The following ERC2 variants were observed in gnomAD, a reference collection of about 807,000 sequenced individuals.
The protein encoded by ERC2 is ELKS/RAB6-interacting/CAST family member 2.
In ERC2, 42 loss-of-function variants were observed where a neutral mutation model predicts 114.8. The ratio of observed to expected loss-of-function variants is 0.37; its 90% CI spans 0.29 to 0.47. The LOEUF (loss-of-function observed/expected upper bound fraction) is 0.47. Ranked by LOEUF, ERC2 falls within the 20% of genes least tolerant of loss-of-function variation. The pLI, the probability that ERC2 is intolerant of heterozygous loss-of-function variation, is 0.99. For synonymous variants in ERC2, 454 were observed against 425.5 expected, an observed-to-expected ratio of 1.07 and a Z score of -0.82; for missense variants, 939 against 1,150.7, an observed-to-expected ratio of 0.82 and a Z score of 2.66.
intron 1 of ERC2, among the ~76,000 whole-genome samples, chr3:56,446,759 G>T (rs9311602): frequency 0.34 from 51,478 of 150,624 alleles, 9,133 homozygotes; most frequent in Admixed American, 0.48. Flanking sequence ...CCGAGTAGCT[G>T]GGATTACAGG....
intron 7 of ERC2, among the ~76,000 whole-genome samples, chr3:56,032,700 C>T (rs922263408): frequency 6.6e-6 from 1 of 151,702 alleles, no homozygotes; most frequent in South Asian, 2.1e-4. Flanking sequence ...ACAACAGGAA[C>T]CTTGGAACCC....
At chr3:55,605,850 G>A (rs2058619729) in intron 17 of ERC2, among the ~76,000 whole-genome samples, 1 of 152,164 alleles carries the variant, frequency 6.6e-6, no homozygotes, top group Non-Finnish European at 1.5e-5. Flanking sequence ...CATATCTACT[G>A]TAAAAGCAAG....
chr3:55,917,011 T>C (rs1247419239), intron 13 of ERC2, among the ~76,000 whole-genome samples: 1 of 152,156 alleles, frequency 6.6e-6, no homozygotes, highest in Non-Finnish European at 1.5e-5. Flanking sequence ...GTATTGTAAT[T>C]ATTCCATTAT....
chr3:56,119,333 G>A (rs2079440433), intron 6 of ERC2, among the ~76,000 whole-genome samples: 1 of 152,196 alleles, frequency 6.6e-6, no homozygotes, highest in Non-Finnish European at 1.5e-5. Flanking sequence ...TTGTTAAAAT[G>A]GGATCATGTG....
chr3:55,669,988 AG>A (rs2061497618), intron 17 of ERC2, among the ~76,000 whole-genome samples: 1 of 152,238 alleles, frequency 6.6e-6, no homozygotes, highest in African/African-American at 2.4e-5. Flanking sequence ...AGGTAGTGGT[AG>A]GGAAGAAAAT....
intron 2 of ERC2, among the ~76,000 whole-genome samples, chr3:56,411,865 C>G (rs550692241): frequency 3.9e-5 from 6 of 152,136 alleles, no homozygotes; most frequent in Non-Finnish European, 7.3e-5. Context: ...TAGCTTAATC[C>G]TTTCTTCTCC....
chr3:55,903,138 A>T (rs2064236195), intron 13 of ERC2, among the ~76,000 whole-genome samples: 2 of 152,120 alleles, frequency 1.3e-5, no homozygotes, highest in South Asian at 4.2e-4. Flanking sequence ...TTCACCAAAT[A>T]CCTGTATCAT....
chr3:55,770,924 C>T (rs1243750538), intron 14 of ERC2, among the ~76,000 whole-genome samples: 2 of 151,834 alleles, frequency 1.3e-5, no homozygotes, highest in Non-Finnish European at 2.9e-5. Flanking sequence ...TGTTAGTTTG[C>T]TGAGAATGAT....
chr3:55,928,892 C>T (rs1041553625), intron 13 of ERC2, among the ~76,000 whole-genome samples: 2 of 152,178 alleles, frequency 1.3e-5, no homozygotes, highest in Non-Finnish European at 2.9e-5. Flanking sequence ...TCATTCTTGG[C>T]AACTTTGTTG....
rs1003046180 is a variant in ERC2 at position 55,868,789 on chromosome 3, T to A, written c.2564+19600A>T. ...TAAGGTTTTATATTCTTTTTTAAAA[T>A]CGTATTATTTCAAGTATTGAAATAA... is the stretch of plus-strand genomic sequence containing the variant. On this transcript the variant is annotated intron_variant, in intron 14 of 17. Transcript: ENST00000288221. Among the ~76,000 whole-genome samples, 7 of 152,208 alleles carry A rather than the reference T, an allele frequency of 4.6e-5. 1 individual carries two copies. Among genetic ancestry groups the A allele is most frequent in the African/African-American group, 1.7e-4 (7 of 41,446 alleles).
chr3:55,590,837 T>C (rs1190084073), intron 17 of ERC2, among the ~76,000 whole-genome samples: 1 of 152,194 alleles, frequency 6.6e-6, no homozygotes, highest in African/African-American at 2.4e-5. Context: ...TATAACATTT[T>C]TTTTTCTTTG....
At chr3:56,389,193 A>G (rs2060042715) in intron 2 of ERC2, among the ~76,000 whole-genome samples, 2 of 152,102 alleles carry the variant, frequency 1.3e-5, no homozygotes, top group African/African-American at 4.8e-5. Context: ...TCATTGGGGG[A>G]CTCTATTGCA....
At chr3:55,664,787 G>A (rs1003575847) in intron 17 of ERC2, among the ~76,000 whole-genome samples, 1 of 152,126 alleles carries the variant, frequency 6.6e-6, no homozygotes, top group Non-Finnish European at 1.5e-5. Flanking sequence ...GCTTCAAAAT[G>A]GAAACAATAT....
At chr3:55,731,395 A>G (rs2065244427) in intron 15 of ERC2, among the ~76,000 whole-genome samples, 1 of 152,234 alleles carries the variant, frequency 6.6e-6, no homozygotes, top group African/African-American at 2.4e-5. Flanking sequence ...TAATAGTAAT[A>G]GTAGTTGCAA....
intron 17 of ERC2, among the ~76,000 whole-genome samples, chr3:55,621,086 C>T (rs148469149): frequency 6.6e-6 from 1 of 152,256 alleles, no homozygotes; most frequent in East Asian, 1.9e-4. Context: ...TTCATATTAG[C>T]ATCATCCATA....
At chr3:56,236,665 T>C (rs376128899) in intron 3 of ERC2, among the ~76,000 whole-genome samples, 4 of 152,298 alleles carry the variant, frequency 2.6e-5, no homozygotes, top group African/African-American at 9.6e-5. Context: ...TTTGGGCTCC[T>C]TGATGGTAAT....
intron 10 of ERC2, among the ~76,000 whole-genome samples, chr3:56,003,931 A>T (rs1248020785): frequency 6.6e-6 from 1 of 152,070 alleles, no homozygotes; most frequent in African/African-American, 2.4e-5. Context: ...TTTTCTAAAT[A>T]CCTGCACTAT....
chr3:56,298,158 C>A (rs971351336), intron 2 of ERC2, among the ~76,000 whole-genome samples: 2 of 152,176 alleles, frequency 1.3e-5, no homozygotes, highest in African/African-American at 4.8e-5. Flanking sequence ...CACCTCATGC[C>A]CTTTAGCAGT....
intron 15 of ERC2, among the ~76,000 whole-genome samples, chr3:55,707,571 T>C (rs1468730030): frequency 6.6e-6 from 1 of 152,166 alleles, no homozygotes; most frequent in Non-Finnish European, 1.5e-5. Context: ...TGAGGAAGGA[T>C]TATTTATAAA....
Sources: gnomAD v4.1 joint callset for allele counts (sites outside exome capture counted in the v4.1 genomes callset) on GRCh38, gnomAD v4.1.1 for gene constraint, MANE v1.5 for transcripts, NCBI Gene and HGNC (gene_info 2026-07-23, HGNC 2026-07-21) for gene names.